The following MRNIP variants were observed in gnomAD, a reference collection of about 807,000 sequenced individuals.
MRNIP encodes MRN complex interacting protein.
A neutral mutation model predicts 29.8 loss-of-function variants in MRNIP; 30 were observed. That is an observed-to-expected ratio of 1.01 (90% confidence interval 0.75 to 1.36). MRNIP has a LOEUF of 1.36. Ranked by LOEUF, MRNIP falls within the 40% of genes most tolerant of loss-of-function variation. MRNIP has a pLI of 0.00. For synonymous variants in MRNIP, 201 were observed against 164.1 expected (o/e 1.23, Z -1.72); for missense variants, 459 against 423.5 (o/e 1.08, Z -0.74).
chr5:179,844,574 C>T (rs1011370642), intron 3 of MRNIP, among the ~76,000 whole-genome samples: 14 of 152,098 alleles, frequency 9.2e-5, no homozygotes, highest in Non-Finnish European at 2.1e-4. Flanking sequence ...AGGCACGCAC[C>T]ACTACGCCTG....
intron 5 of MRNIP, chr5:179,841,572 C>A: frequency 3.8e-6 from 1 of 265,676 alleles, no homozygotes; most frequent in Non-Finnish European, 7.1e-6. Flanking sequence ...AAGTCTGAGG[C>A]CTCTGCTTCT....
chr5:179,844,266 CCAGGGGCTGGGCA>C, intron 3 of MRNIP, 39 bp from the exon 4 acceptor site: 1 of 1,564,058 alleles, frequency 6.4e-7, no homozygotes. Flanking sequence ...TGAAAAATGA[CCAGGGGCTGGGCA>C]CAGTGGCTCA....
At chr5:179,843,767 C>CT (rs1759011876) in intron 4 of MRNIP, among the ~76,000 whole-genome samples, 1 of 151,844 alleles carries the variant, frequency 6.6e-6, no homozygotes. Flanking sequence ...CAAAACAAAA[C>CT]AACAGCTTGC....
intron 1 of MRNIP, among the ~76,000 whole-genome samples, chr5:179,856,116 C>T (rs1004723561): frequency 6.6e-6 from 1 of 152,010 alleles, no homozygotes; most frequent in African/African-American, 2.4e-5. Flanking sequence ...CAACATTGCC[C>T]AGGCTGGTCT....
chr5:179,840,531 C>T (rs572344528), intron 6 of MRNIP: 15 of 449,788 alleles, frequency 3.3e-5, no homozygotes, highest in African/African-American at 1.0e-4. Context: ...GGCCCGCTGA[C>T]GACTCCTGCC....
At chr5:179,846,839 C>T (rs530689460) in intron 3 of MRNIP, among the ~76,000 whole-genome samples, 99 of 152,228 alleles carry the variant, frequency 6.5e-4, no homozygotes, top group African/African-American at 2.3e-3. Context: ...CATTTGTACA[C>T]CGAGGGTGTA....
chr5:179,842,151 G>A (rs188873226), intron 4 of MRNIP, 87 bp from the exon 5 acceptor site: 4 of 1,300,256 alleles, frequency 3.1e-6, no homozygotes, highest in Non-Finnish European at 4.3e-6. Flanking sequence ...TGGGCCTGAG[G>A]ATCTCAGGAG....
intron 2 of MRNIP, among the ~76,000 whole-genome samples, chr5:179,849,578 A>T (rs536348545): frequency 1.3e-5 from 2 of 150,818 alleles, no homozygotes; most frequent in African/African-American, 4.9e-5. Context: ...GGGTCCTGCT[A>T]TGGCACAGGC....
intron 4 of MRNIP, 105 bp downstream of exon 4, chr5:179,844,047 G>T: frequency 2.3e-6 from 2 of 888,536 alleles, no homozygotes; most frequent in Non-Finnish European, 3.6e-6. Flanking sequence ...GCCTGTCATT[G>T]GGTGGCATCA....
chr5:179,841,833 T>C, intron 5 of MRNIP, 74 bp downstream of exon 5: 1 of 1,486,434 alleles, frequency 6.7e-7, no homozygotes. Flanking sequence ...ACGCTCACAG[T>C]GGCTCACTGG....
In MRNIP at chr5:179,848,069, G is replaced by C; in HGVS notation, c.127-3C>G. The C allele has an allele frequency of 6.2e-7, 1 of 1,610,902 alleles. No homozygotes were observed. The highest frequency in any genetic ancestry group is 8.5e-7 in the Non-Finnish European group (1 of 1,177,072). On this transcript the variant is annotated splice_polypyrimidine_tract_variant and splice_region_variant and intron_variant, in intron 2 of 6. Coordinates refer to ENST00000292586, the MANE Select transcript of MRNIP (RefSeq NM_016175.4). The stretch of plus-strand genomic sequence containing the variant: ...GCACCAGAGCCTTCACCATAAGCCT[G>C]AGAAACCAAAAAATATATTACATTG...
In MRNIP at chr5:179,841,942, TG is replaced by T; in HGVS notation, c.413del (p.Pro138GlnfsTer47). On this transcript the variant is annotated frameshift_variant, in exon 5 of 7. Transcript: ENST00000292586. LOFTEE classifies it high-confidence loss of function. ...SKQPSSKMEE[P>X]GPRFSQDLPR... ...GCAGGTCTTGACTGAAGCGGGGGCC[TG>T]GCTCCTCCATTTTGGATGAAGGCTG... 6.2e-7 allele frequency: 1 copy of T among 1,614,150 alleles called. No homozygotes were observed. Among genetic ancestry groups the T allele is most frequent in the Non-Finnish European group, 8.5e-7 (1 of 1,180,030 alleles).
rs902270472 is a variant in MRNIP at position 179,853,166 on chromosome 5, A to G, written c.126+212T>C. ...GGCACACAGAAAGTACTCAAGAAAT[A>G]CTTGCTGAATGAAGAATCAAATGGC... On this transcript the variant is annotated intron_variant, in intron 2 of 6. Transcript: ENST00000292586. The G allele has an allele frequency of 6.9e-6, 10 of 1,440,908 alleles. No individual in the cohort carries two copies. In the Admixed American group the frequency reaches 2.0e-4, roughly 29 times the overall value. 89.3% of individuals were successfully genotyped at this position (1,440,908 alleles called of 1,614,324 possible). A position where few individuals can be genotyped will look rare whatever the true frequency, so the allele number is the denominator to read the frequency against.
intron 6 of MRNIP, chr5:179,840,525 C>A: frequency 2.3e-6 from 1 of 441,428 alleles, no homozygotes; most frequent in Non-Finnish European, 4.0e-6. Context: ...CAGGGCGGCC[C>A]GCTGACGACT....
rs151168151 is a variant in MRNIP at position 179,843,747 on chromosome 5, A to C, written c.291+405T>G. On this transcript the variant is annotated intron_variant, in intron 4 of 6. Coordinates refer to ENST00000292586, the MANE Select transcript of MRNIP (RefSeq NM_016175.4). ...AGAGTGAGACCTCGTTTCAGAGAAA[A>C]AAAACAAAACAAAACAAAACAACAG... 1.4e-3 allele frequency among the ~76,000 whole-genome samples: 214 copies of C among 152,164 alleles called. 1 individual carries two copies. Among genetic ancestry groups the C allele is most frequent in the Middle Eastern group, 6.8e-3 (2 of 294 alleles).
chr5:179,839,115 GT>G (rs2113534325), intron 6 of MRNIP: 1 of 152,188 alleles, frequency 6.6e-6, no homozygotes, highest in East Asian at 1.9e-4. Flanking sequence ...GCCAGGCGTG[GT>G]GGCGGGTGCC....
chr5:179,840,983 G>C, intron 5 of MRNIP, 24 bp from the exon 6 acceptor site: 4 of 1,542,586 alleles, frequency 2.6e-6, no homozygotes, highest in Non-Finnish European at 3.5e-6. Context: ...ACCGTCAGTA[G>C]TCCCGTGCTA....
rs61613267 is a variant in MRNIP, at chr5:179,841,774, G to A, written c.449+133C>T. 2.8e-3 allele frequency: 2,635 copies of A among 948,432 alleles called. 57 individuals are homozygous for A. In the African/African-American group the frequency reaches 0.038, roughly 14 times the overall value. The allele number at this position is 948,432 out of a possible 1,614,324, so 58.8% of individuals were successfully genotyped here. A position where few individuals can be genotyped will look rare whatever the true frequency, so the allele number is the denominator to read the frequency against. ...GGGCCAGCAGTGGCAGCAGCTGCCC[G>A]ATTTCCCACCTGCTGGCACTTGCCA... On this transcript the variant is annotated intron_variant, in intron 5 of 6. Transcript: ENST00000292586.
At chr5:179,854,210 C>T (rs1312573375) in intron 1 of MRNIP, among the ~76,000 whole-genome samples, 8 of 150,856 alleles carry the variant, frequency 5.3e-5, no homozygotes, top group Admixed American at 1.3e-4. Context: ...TTAGTAGAGA[C>T]GGGGTTTCAC....
Sources: gnomAD v4.1 joint callset for allele counts (sites outside exome capture counted in the v4.1 genomes callset) on GRCh38, gnomAD v4.1.1 for gene constraint, MANE v1.5 for transcripts, NCBI Gene and HGNC (gene_info 2026-07-23, HGNC 2026-07-21) for gene names.